TACC1: variants seen among roughly 807,000 people sequenced by gnomAD.
The protein encoded by TACC1 is transforming acidic coiled-coil containing protein 1.
TACC1 carries 48 observed loss-of-function variants against 84.4 expected under a neutral mutation model. The observed-to-expected ratio is 0.57, with a 90% CI of 0.45 to 0.72. The LOEUF is 0.72. TACC1 is among the 30% of genes least tolerant of loss of function. The pLI, the probability that TACC1 is intolerant of heterozygous loss-of-function variation, is 0.00. For synonymous variants in TACC1, 372 were observed against 376.3 expected, an observed-to-expected ratio of 0.99 and a Z score of 0.13; for missense variants, 920 against 973.0, an observed-to-expected ratio of 0.95 and a Z score of 0.72.
At position 38,820,630 on chromosome 8, in the gene TACC1, A is replaced by C; in HGVS notation, c.1386A>C (p.Leu462Phe). Reference sequence around the variant, plus strand: ...CACCCAAGAAGGCAAAGTCGCGTTTAATAACGTGAGTGACAGTGGGCGCTG... The same window carrying C: ...CACCCAAGAAGGCAAAGTCGCGTTTCATAACGTGAGTGACAGTGGGCGCTG... ...LESPKKAKSR[L>F]ITSGCKVKKH... is the part of the protein sequence containing the mutation. The change falls in exon 3 of 13, where the codon TTA becomes TTC. Residue 462 changes from leucine (L) to phenylalanine (F), a missense_variant. Around this residue, in one of 2 missense-constraint regions of TACC1, gnomAD observed 762 missense variants for 747.3 expected, o/e 1.02. Coordinates refer to ENST00000317827, the MANE Select transcript of TACC1 (RefSeq NM_006283.3). 1 of 1,603,728 alleles carries C rather than the reference A, an allele frequency of 6.2e-7. No individual in the cohort carries two copies. The highest frequency in any genetic ancestry group is 1.3e-5 in the African/African-American group (1 of 75,034).
chr8:38,820,344 C>T lies in TACC1; in HGVS notation c.1100C>T (p.Pro367Leu), dbSNP rs1364257083. The change falls in exon 3 of 13, where the codon CCT (proline) becomes CTT (leucine). Residue 367 changes from proline to leucine, a missense_variant. Pro to Leu is a moderately conservative substitution (Grantham distance 98, BLOSUM62 -3). Around this residue, in one of 2 missense-constraint regions of TACC1, gnomAD observed 762 missense variants for 747.3 expected, o/e 1.02. Transcript: ENST00000317827. ...AGTAAGTCAGCAGGTTTAGAACAGC[C>T]TACAGACCCAGTGGCACGAGACGGG... The part of the protein sequence containing the change: ...GISKSAGLEQ[P>L]TDPVARDGPL... 1 of 1,614,182 alleles carries T rather than the reference C, an allele frequency of 6.2e-7. No individual in the cohort carries two copies.
chr8:38,742,975 A>G (rs1807369576), intron 2 of TACC1, among the ~76,000 whole-genome samples: 1 of 152,214 alleles, frequency 6.6e-6, no homozygotes, highest in African/African-American at 2.4e-5. Context: ...TTGACCTCCC[A>G]AAGTGCTGGG....
chr8:38,776,667 G>A (rs1814856170), intron 3 of TACC1, among the ~76,000 whole-genome samples: 1 of 152,190 alleles, frequency 6.6e-6, no homozygotes, highest in African/African-American at 2.4e-5. Context: ...GAAATTAGGT[G>A]TGGAATTTTC....
intron 2 of TACC1, among the ~76,000 whole-genome samples, chr8:38,812,917 T>G (rs1824562467): frequency 6.6e-6 from 1 of 152,234 alleles, no homozygotes; most frequent in Admixed American, 6.5e-5. Flanking sequence ...TAGGTATTTG[T>G]TGAATGACTG....
intron 2 of TACC1, among the ~76,000 whole-genome samples, chr8:38,814,584 A>C (rs1315606407): frequency 6.6e-6 from 1 of 152,196 alleles, no homozygotes; most frequent in African/African-American, 2.4e-5. Flanking sequence ...GGTACACTCT[A>C]TAATGATCAC....
chr8:38,748,875 G>A (rs117625473), intron 3 of TACC1, among the ~76,000 whole-genome samples: 2,021 of 151,610 alleles, frequency 0.013, 24 homozygotes, highest in Middle Eastern at 0.041. Flanking sequence ...AATTTTCACT[G>A]TTAAAAAATA....
At chr8:38,781,085 C>G (rs1815852878) in intron 3 of TACC1, among the ~76,000 whole-genome samples, 1 of 152,080 alleles carries the variant, frequency 6.6e-6, no homozygotes. Context: ...ACCTTTTCTC[C>G]CCACATCCTC....
At chr8:38,834,583 G>A (rs1370897939) in intron 6 of TACC1, among the ~76,000 whole-genome samples, 1 of 152,152 alleles carries the variant, frequency 6.6e-6, no homozygotes, top group Non-Finnish European at 1.5e-5. Context: ...CTGTTGGCAT[G>A]GTGGGCTGCC....
At chr8:38,824,982 G>C (rs1426478515) in intron 3 of TACC1, among the ~76,000 whole-genome samples, 1 of 152,152 alleles carries the variant, frequency 6.6e-6, no homozygotes, top group African/African-American at 2.4e-5. Context: ...CAGCTGCTAA[G>C]GCTCTACTGT....
At chr8:38,745,428 C>A (rs558878415) in exon 3 of TACC1, 1 of 653,926 alleles carries the variant, frequency 1.5e-6, no homozygotes, top group South Asian at 1.7e-5. Flanking sequence ...GAAAATGGAA[C>A]GTAGTCTTAA....
rs186499581 is a variant in TACC1, at chr8:38,817,567, T to A, written c.278-1955T>A. The stretch of plus-strand genomic sequence containing the variant: ...TTTGCCATACTTACTATCTCTTTTT[T>A]AAAAAATCCTTTTGAAATATGTTAA... On this transcript the variant is annotated intron_variant, in intron 2 of 12. Coordinates refer to ENST00000317827, the MANE Select transcript of TACC1 (RefSeq NM_006283.3). 2.9e-3 allele frequency among the ~76,000 whole-genome samples: 449 copies of A among 152,310 alleles called. 3 individuals are homozygous for A. The highest frequency in any genetic ancestry group is 3.3e-3 in the Non-Finnish European group (225 of 68,026).
intron 5 of TACC1, among the ~76,000 whole-genome samples, chr8:38,828,701 T>C (rs1828637799): frequency 6.6e-6 from 1 of 152,162 alleles, no homozygotes; most frequent in South Asian, 2.1e-4. Context: ...TATGGCCTGC[T>C]TCAGGAAAGG....
At chr8:38,841,959 A>G (rs771328768) in intron 9 of TACC1, among the ~76,000 whole-genome samples, 1 of 151,974 alleles carries the variant, frequency 6.6e-6, no homozygotes, top group Non-Finnish European at 1.5e-5. Flanking sequence ...GGGCCTTACC[A>G]CAGCTGTTCT....
At chr8:38,823,352 C>G (rs181198275) in intron 3 of TACC1, among the ~76,000 whole-genome samples, 1 of 152,306 alleles carries the variant, frequency 6.6e-6, no homozygotes, top group Non-Finnish European at 1.5e-5. Context: ...TTACTCCTCT[C>G]TAGACAGCAC....
rs1832893613 is a variant in TACC1, at chr8:38,850,131, C to T, written c.*2108C>T. The T allele has an allele frequency of 6.6e-6, 1 of 152,574 alleles. No homozygotes were observed. The highest frequency in any genetic ancestry group is 6.5e-5 in the Admixed American group (1 of 15,272). 9.5% of individuals were successfully genotyped at this position (152,574 alleles called of 1,614,324 possible). A position where few individuals can be genotyped will look rare whatever the true frequency, so the allele number is the denominator to read the frequency against. ...GCTATGTGTTAAACAGAGGTGATGG[C>T]AGCCCTTCCCTAGCACACTGGTGGA... On this transcript the variant is annotated 3_prime_UTR_variant, in exon 13 of 13. Coordinates refer to ENST00000317827, the MANE Select transcript of TACC1 (RefSeq NM_006283.3).
In TACC1 at chr8:38,745,423, T is replaced by C. The variant is rs1004406297; in HGVS notation, c.-45T>C. ...GGGACATATTTAAAAACCAGGAAAA[T>C]GGAACGTAGTCTTAAGAGAAAAGTC... On this transcript the variant is annotated 5_prime_UTR_variant, in exon 3 of 15. Coordinates refer to the TACC1 transcript ENST00000518415. 1.2e-5 allele frequency: 8 copies of C among 646,234 alleles called. 1 individual carries two copies. In the African/African-American group the frequency reaches 1.5e-4, roughly 12 times the overall value. 40.0% of individuals were successfully genotyped at this position (646,234 alleles called of 1,614,324 possible).
chr8:38,783,194 T>C (rs1816474995), upstream of TACC1, among the ~76,000 whole-genome samples: 1 of 151,156 alleles, frequency 6.6e-6, no homozygotes, highest in South Asian at 2.1e-4. Flanking sequence ...AGTTCTGCTA[T>C]AGGTTTGACC....
intron 2 of TACC1, among the ~76,000 whole-genome samples, chr8:38,803,153 T>C (rs1376200063): frequency 6.6e-6 from 1 of 152,256 alleles, no homozygotes; most frequent in Non-Finnish European, 1.5e-5. Context: ...CTTGTTGGTT[T>C]CATTTATAGT....
intron 1 of TACC1, 170 bp from the exon 2 acceptor site, chr8:38,788,534 C>T: frequency 1.8e-6 from 1 of 550,508 alleles, no homozygotes; most frequent in East Asian, 3.1e-5. Flanking sequence ...CCAAGGAGGG[C>T]ACTGCTCAGA....
Sources: allele counts gnomAD v4.1 joint callset (sites outside exome capture counted in the v4.1 genomes callset), GRCh38; gene constraint gnomAD v4.1.1; regional missense constraint gnomAD v4.1.1; transcripts MANE v1.5; gene names NCBI Gene and HGNC (gene_info 2026-07-23, HGNC 2026-07-21).